CAMTA1: variants seen among roughly 807,000 people sequenced by gnomAD.
CAMTA1 encodes the protein calmodulin binding transcription activator 1, also known as calmodulin-binding transcription activator 1.
CAMTA1 carries 27 observed loss-of-function variants against 170.9 expected under a neutral mutation model. That is an observed-to-expected ratio of 0.16 (90% CI 0.12 to 0.22). CAMTA1 has a LOEUF of 0.22. CAMTA1 is among the 10% of genes least tolerant of loss of function. The pLI is 1.00. For synonymous variants in CAMTA1, 833 were observed against 891.5 expected (o/e 0.93, Z 1.17); for missense variants, 1,619 against 2,217.2 (o/e 0.73, Z 5.42).
chr1:7,254,541 C>T (rs1158351765), intron 5 of CAMTA1, among the ~76,000 whole-genome samples: 2 of 152,202 alleles, frequency 1.3e-5, no homozygotes, highest in African/African-American at 2.4e-5. Flanking sequence ...GTTTCTTTGA[C>T]TTCTTAACTG....
chr1:6,909,728 G>C (rs1400262696), intron 3 of CAMTA1, among the ~76,000 whole-genome samples: 1 of 152,236 alleles, frequency 6.6e-6, no homozygotes, highest in South Asian at 2.1e-4. Flanking sequence ...CTCTGTCCTG[G>C]ACTGATTCTG....
At chr1:7,490,225 G>A (rs557314015) in intron 6 of CAMTA1, among the ~76,000 whole-genome samples, 2 of 152,228 alleles carry the variant, frequency 1.3e-5, no homozygotes, top group African/African-American at 4.8e-5. Flanking sequence ...CCTCGCATGG[G>A]ATTGCACCGT....
intron 6 of CAMTA1, among the ~76,000 whole-genome samples, chr1:7,542,306 G>T (rs915720088): frequency 1.1e-4 from 16 of 151,490 alleles, no homozygotes; most frequent in African/African-American, 3.9e-4. Context: ...ATGCCTATGG[G>T]TATTTTTTCT....
chr1:7,468,377 T>G (rs1174536388), intron 6 of CAMTA1, among the ~76,000 whole-genome samples: 1 of 152,148 alleles, frequency 6.6e-6, no homozygotes, highest in Non-Finnish European at 1.5e-5. Flanking sequence ...CGTAATCGAT[T>G]TGTGATGTCT....
chr1:6,840,668 G>A (rs757144895), intron 3 of CAMTA1, among the ~76,000 whole-genome samples: 3 of 152,132 alleles, frequency 2.0e-5, no homozygotes, highest in Non-Finnish European at 4.4e-5. Context: ...AAATTGGAGA[G>A]CCGTCAATGC....
chr1:7,707,095 A>G (rs2096532324), intron 11 of CAMTA1, among the ~76,000 whole-genome samples: 1 of 151,990 alleles, frequency 6.6e-6, no homozygotes, highest in African/African-American at 2.4e-5. Context: ...TATGTTGGCC[A>G]GGCTGGTCTT....
chr1:6,979,818 A>C (rs1480629145), intron 3 of CAMTA1, among the ~76,000 whole-genome samples: 1 of 150,604 alleles, frequency 6.6e-6, no homozygotes, highest in East Asian at 1.9e-4. Flanking sequence ...GACCCCCGGC[A>C]CCCGGGACAC....
Position 6,812,135 on chromosome 1 carries a change from A to G in CAMTA1, c.46-8046A>G, listed in dbSNP as rs139363173. Among the ~76,000 whole-genome samples the G allele has an allele frequency of 2.7e-4, 41 of 152,266 alleles. No homozygotes were observed. In the East Asian group the frequency reaches 7.5e-3, roughly 28 times the overall value. On this transcript the variant is annotated intron_variant, in intron 1 of 22. Transcript: ENST00000303635. ...CCTTAGCTTTCTCTCAGAGCATCGT[A>G]CTTACTTTTTCTGCCCGCATTTTTG...
chr1:7,412,571 C>G (rs1466498468), intron 5 of CAMTA1, among the ~76,000 whole-genome samples: 1 of 151,956 alleles, frequency 6.6e-6, no homozygotes, highest in Non-Finnish European at 1.5e-5. Flanking sequence ...TGAGAAGTGT[C>G]TGTTCATATC....
At chr1:7,105,117 T>C (rs541846056) in intron 4 of CAMTA1, among the ~76,000 whole-genome samples, 38 of 152,352 alleles carry the variant, frequency 2.5e-4, no homozygotes, top group South Asian at 2.3e-3. Flanking sequence ...TTTTGCAGTT[T>C]ATTAATTTTG....
intron 4 of CAMTA1, among the ~76,000 whole-genome samples, chr1:7,205,178 G>A (rs1481191544): frequency 6.6e-6 from 1 of 151,168 alleles, no homozygotes; most frequent in Non-Finnish European, 1.5e-5. Context: ...TGTGCTCTCC[G>A]CTCACTGCAA....
At chr1:7,719,272 T>G (rs978159900) in intron 11 of CAMTA1, among the ~76,000 whole-genome samples, 1 of 152,172 alleles carries the variant, frequency 6.6e-6, no homozygotes, top group Non-Finnish European at 1.5e-5. Context: ...CCTTGGAGAA[T>G]AGGTTTGAGA....
chr1:7,214,479 G>A (rs1023603549), intron 4 of CAMTA1, among the ~76,000 whole-genome samples: 6 of 152,044 alleles, frequency 3.9e-5, no homozygotes, highest in African/African-American at 1.4e-4. Context: ...CCATTCTCCT[G>A]CCTCAGCCTC....
chr1:7,727,412 G>A (rs1031139505), intron 11 of CAMTA1, among the ~76,000 whole-genome samples: 4 of 152,138 alleles, frequency 2.6e-5, no homozygotes, highest in East Asian at 3.9e-4. Context: ...GTGAGCCACC[G>A]CGCCCAGCCT....
At chr1:7,478,397 T>C (rs1193186) in intron 6 of CAMTA1, among the ~76,000 whole-genome samples, 95,069 of 151,920 alleles carry the variant, frequency 0.63, 30,530 homozygotes, top group African/African-American at 0.78. Flanking sequence ...TCCCCGAGCC[T>C]CTCTGCTCCA....
At chr1:6,915,790 A>G (rs978565706) in intron 3 of CAMTA1, among the ~76,000 whole-genome samples, 1 of 152,174 alleles carries the variant, frequency 6.6e-6, no homozygotes, top group Admixed American at 6.5e-5. Flanking sequence ...GTGATCCTAT[A>G]TGCTGGCGAA....
chr1:7,018,556 C>T (rs1340519058), intron 3 of CAMTA1, among the ~76,000 whole-genome samples: 1 of 152,146 alleles, frequency 6.6e-6, no homozygotes, highest in Non-Finnish European at 1.5e-5. Flanking sequence ...TCTCCCGCTT[C>T]TCCTTGCCAA....
chr1:6,835,872 G>A (rs1447841377), intron 3 of CAMTA1, among the ~76,000 whole-genome samples: 1 of 152,218 alleles, frequency 6.6e-6, no homozygotes, highest in Admixed American at 6.5e-5. Context: ...CATATAGGAA[G>A]CTCTTTTAAA....
intron 6 of CAMTA1, among the ~76,000 whole-genome samples, chr1:7,608,037 C>T (rs1244259113): frequency 6.6e-6 from 1 of 152,166 alleles, no homozygotes; most frequent in Non-Finnish European, 1.5e-5. Context: ...TCCATAGTTC[C>T]TCCTGAGCCC....
Sources: allele counts gnomAD v4.1 joint callset (sites outside exome capture counted in the v4.1 genomes callset), GRCh38; gene constraint gnomAD v4.1.1; transcripts MANE v1.5; gene names NCBI Gene and HGNC (gene_info 2026-07-23, HGNC 2026-07-21).